PDE1C: variants seen among roughly 807,000 people sequenced by gnomAD.
PDE1C encodes the protein dual specificity calcium/calmodulin-dependent 3',5'-cyclic nucleotide phosphodiesterase 1C.
A neutral mutation model predicts 93.1 loss-of-function variants in PDE1C; 62 were observed. That is an observed-to-expected ratio of 0.67 (90% CI 0.54 to 0.82). The LOEUF is 0.82. Ranked by LOEUF, PDE1C falls within the 40% of genes least tolerant of loss-of-function variation. The probability of loss-of-function intolerance (pLI) is 0.00; values close to 1 mark genes in which losing one functional copy is unlikely to be tolerated. For synonymous variants in PDE1C, 325 were observed against 310.1 expected, an observed-to-expected ratio of 1.05 and a Z score of -0.50; for missense variants, 742 against 884.6, an observed-to-expected ratio of 0.84 and a Z score of 2.04.
At chr7:32,146,103 C>T (rs1001702717) in intron 3 of PDE1C, among the ~76,000 whole-genome samples, 2 of 152,128 alleles carry the variant, frequency 1.3e-5, no homozygotes, top group South Asian at 2.1e-4. Context: ...TGCCGTGTGG[C>T]TCAGTTTCAA....
At chr7:32,358,759 T>C (rs916856002) in intron 1 of PDE1C, among the ~76,000 whole-genome samples, 2 of 152,162 alleles carry the variant, frequency 1.3e-5, no homozygotes, top group Non-Finnish European at 2.9e-5. Context: ...GAAAGGTAAG[T>C]AATTTGCTCA....
upstream of PDE1C, among the ~76,000 whole-genome samples, chr7:32,075,388 A>G (rs1796292413): frequency 6.6e-6 from 1 of 152,122 alleles, no homozygotes; most frequent in Non-Finnish European, 1.5e-5. Flanking sequence ...CAGGCACAGC[A>G]GCCCCTCCTC....
At chr7:31,859,030 A>G (rs1300038282) in intron 7 of PDE1C, among the ~76,000 whole-genome samples, 1 of 151,438 alleles carries the variant, frequency 6.6e-6, no homozygotes, top group Non-Finnish European at 1.5e-5. Context: ...TGTTTAAGTG[A>G]TAGAATAACC....
the PDE1C span, among the ~76,000 whole-genome samples, chr7:31,730,619 T>C: frequency 1.3e-5 from 2 of 152,222 alleles, no homozygotes; most frequent in Non-Finnish European, 2.9e-5. Context: ...GGTTGGAAAG[T>C]GAATCCTACT....
intron 2 of PDE1C, among the ~76,000 whole-genome samples, chr7:31,970,852 CAGAA>C (rs1810852899): frequency 6.6e-6 from 1 of 152,170 alleles, no homozygotes; most frequent in Non-Finnish European, 1.5e-5. Flanking sequence ...AGAGAGATGA[CAGAA>C]AGAGTGTTGG....
At chr7:32,289,776 C>T (rs1250886020) in intron 1 of PDE1C, among the ~76,000 whole-genome samples, 1 of 152,174 alleles carries the variant, frequency 6.6e-6, no homozygotes, top group Non-Finnish European at 1.5e-5. Flanking sequence ...CTAGTCCATG[C>T]AAGTCCAGAA....
In PDE1C at chr7:31,753,439, T is replaced by C. The variant is rs374591188; in HGVS notation, c.2075A>G (p.Gln692Arg). ...EHPARYKMLD[Q>R]RIKMKKIQNI... is the part of the protein sequence containing the mutation. The stretch of plus-strand genomic sequence containing the variant: ...CTGAATCTTTTTCATTTTGATCCTC[T>C]GATCCAGCATCTTGTACCTTGCAGG... Residue 692 changes from glutamine (Q) to arginine (R), a missense_variant, in exon 18 of 18, where the codon CAG (glutamine) becomes CGG (arginine). By Grantham distance (43) the Gln-to-Arg change is conservative. Transcript: ENST00000396191. 20 of 1,612,642 alleles carry C rather than the reference T, an allele frequency of 1.2e-5. No individual in the cohort carries two copies. The East Asian group carries it at 3.8e-4, about 31-fold the overall frequency.
intron 1 of PDE1C, among the ~76,000 whole-genome samples, chr7:32,306,583 T>A (rs564150808): frequency 6.6e-6 from 1 of 152,340 alleles, no homozygotes; most frequent in South Asian, 2.1e-4. Context: ...CTCCAAGCCA[T>A]TGTCTATCCA....
At chr7:32,345,796 G>T (rs1390896624) in intron 1 of PDE1C, among the ~76,000 whole-genome samples, 3 of 152,124 alleles carry the variant, frequency 2.0e-5, no homozygotes, top group Non-Finnish European at 1.5e-5. Flanking sequence ...AAACCACAAT[G>T]AGATACCACC....
chr7:32,341,084 T>A (rs892668004), intron 1 of PDE1C, among the ~76,000 whole-genome samples: 8 of 151,914 alleles, frequency 5.3e-5, no homozygotes, highest in Non-Finnish European at 5.9e-5. Context: ...GCAGGGTAGA[T>A]TACAGATGTG....
chr7:32,174,259 G>C (rs1802838095), intron 2 of PDE1C, among the ~76,000 whole-genome samples: 1 of 151,960 alleles, frequency 6.6e-6, no homozygotes, highest in Admixed American at 6.6e-5. Flanking sequence ...TTTTCATTCA[G>C]TAAACACATA....
intron 4 of PDE1C, 50 bp downstream of exon 4, chr7:31,878,946 T>A (rs762112387): frequency 2.0e-6 from 3 of 1,535,768 alleles, no homozygotes; most frequent in Non-Finnish European, 2.7e-6. Flanking sequence ...ATTGGAAACG[T>A]GTTGCTTTGG....
chr7:31,969,369 T>C (rs1326020105), intron 2 of PDE1C, among the ~76,000 whole-genome samples: 1 of 152,150 alleles, frequency 6.6e-6, no homozygotes, highest in Non-Finnish European at 1.5e-5. Context: ...GACATTTATG[T>C]GGCCAAAAAA....
intron 2 of PDE1C, among the ~76,000 whole-genome samples, chr7:31,956,259 A>G (rs1012902726): frequency 6.6e-6 from 1 of 151,880 alleles, no homozygotes. Flanking sequence ...ACGCCCAGCT[A>G]ATTTTCGTAT....
intron 2 of PDE1C, among the ~76,000 whole-genome samples, chr7:32,035,987 G>T (rs1051867974): frequency 6.6e-6 from 1 of 152,174 alleles, no homozygotes; most frequent in South Asian, 2.1e-4. Flanking sequence ...GCCTGTGAAG[G>T]AAACACCAGA....
chr7:32,095,758 C>G (rs1333829366), intron 3 of PDE1C, among the ~76,000 whole-genome samples: 1 of 152,098 alleles, frequency 6.6e-6, no homozygotes, highest in Non-Finnish European at 1.5e-5. Flanking sequence ...AAACAGGGTG[C>G]CTCACACATT....
chr7:32,318,836 C>T (rs1457948165), intron 1 of PDE1C, among the ~76,000 whole-genome samples: 1 of 152,192 alleles, frequency 6.6e-6, no homozygotes, highest in African/African-American at 2.4e-5. Context: ...AAGGGCGACA[C>T]GGCTCACTTC....
At chr7:31,734,912 C>T in the PDE1C span, among the ~76,000 whole-genome samples, 1 of 152,044 alleles carries the variant, frequency 6.6e-6, no homozygotes, top group Non-Finnish European at 1.5e-5. Flanking sequence ...CCTAGAGTTG[C>T]CGAGACTATT....
chr7:32,389,487 G>T (rs907979456), intron 1 of PDE1C, among the ~76,000 whole-genome samples: 1 of 152,168 alleles, frequency 6.6e-6, no homozygotes, highest in African/African-American at 2.4e-5. Flanking sequence ...AAAGTGCTGG[G>T]ATAACAGGCA....
Sources: gnomAD v4.1 joint callset for allele counts (sites outside exome capture counted in the v4.1 genomes callset) on GRCh38, gnomAD v4.1.1 for gene constraint, MANE v1.5 for transcripts, NCBI Gene and HGNC (gene_info 2026-07-23, HGNC 2026-07-21) for gene names.